TMX3: variants seen among roughly 807,000 people sequenced by gnomAD.
TMX3 encodes protein disulfide-isomerase TMX3.
Under a neutral mutation model 64.4 loss-of-function variants are expected in TMX3, and 40 were observed. The observed-to-expected ratio is 0.62, with a 90% confidence interval of 0.48 to 0.81. The LOEUF is 0.81. TMX3 is among the 30% of genes least tolerant of loss of function. TMX3 has a pLI of 0.00. For synonymous variants in TMX3, 189 were observed against 175.7 expected, an observed-to-expected ratio of 1.08 and a Z score of -0.60; for missense variants, 497 against 534.5, an observed-to-expected ratio of 0.93 and a Z score of 0.69.
At chr18:68,683,841 A>G (rs1429294466) in intron 12 of TMX3, among the ~76,000 whole-genome samples, 3 of 152,180 alleles carry the variant, frequency 2.0e-5, no homozygotes, top group Non-Finnish European at 4.4e-5. Flanking sequence ...AATTCCAAAA[A>G]TAAACATATA....
chr18:68,703,662 A>G (rs12966086), intron 4 of TMX3, among the ~76,000 whole-genome samples: 1 of 152,194 alleles, frequency 6.6e-6, no homozygotes, highest in Non-Finnish European at 1.5e-5. Flanking sequence ...AAAGGGAATG[A>G]CAGTATAACA....
chr18:68,703,523 A>G (rs753431282), intron 4 of TMX3, among the ~76,000 whole-genome samples: 7 of 152,166 alleles, frequency 4.6e-5, no homozygotes, highest in Non-Finnish European at 8.8e-5. Context: ...CAGTATTCAC[A>G]TCGAGACAAT....
At chr18:68,706,541 C>T (rs1043313944) in intron 4 of TMX3, 3 of 152,214 alleles carry the variant, frequency 2.0e-5, no homozygotes, top group Non-Finnish European at 2.9e-5. Context: ...CCTTCAGAAT[C>T]TGAACTGACA....
At chr18:68,698,980 C>T (rs1367129028) in intron 6 of TMX3, among the ~76,000 whole-genome samples, 1 of 151,320 alleles carries the variant, frequency 6.6e-6, no homozygotes, top group Non-Finnish European at 1.5e-5. Flanking sequence ...CGAGACAGCG[C>T]CACTGCAGTC....
At chr18:68,692,935 C>T (rs1235444195) in intron 8 of TMX3, among the ~76,000 whole-genome samples, 1 of 152,170 alleles carries the variant, frequency 6.6e-6, no homozygotes, top group Non-Finnish European at 1.5e-5. Context: ...GGTGCCAGCA[C>T]CTAGAACACA....
chr18:68,697,625 CA>C, intron 7 of TMX3: 2 of 374,324 alleles, frequency 5.3e-6, no homozygotes, highest in Non-Finnish European at 9.5e-6. Context: ...TACACACATA[CA>C]AAGTCTGCAG....
chr18:68,691,247 C>T lies in TMX3; in HGVS notation c.637+48G>A, dbSNP rs309227. The T allele has an allele frequency of 0.014, 18,111 of 1,326,834 alleles. 1,494 individuals carry two copies. In the African/African-American group the frequency reaches 0.2, roughly 15 times the overall value. The allele number at this position is 1,326,834 out of a possible 1,614,324, so 82.2% of individuals were successfully genotyped here. ...CTTTACACCTAAGTTGTATAACAGA[C>T]ATTTTAATTTTAAAATGTTTTACAT... On this transcript the variant is annotated intron_variant, in intron 9 of 15. Transcript: ENST00000299608.
chr18:68,693,470 C>T (rs1914733326), intron 8 of TMX3, among the ~76,000 whole-genome samples: 1 of 152,206 alleles, frequency 6.6e-6, no homozygotes, highest in African/African-American at 2.4e-5. Context: ...ATGCCTGCTC[C>T]TGCTCCCTGG....
chr18:68,689,942 T>C (rs1025083183), intron 9 of TMX3: 7 of 152,246 alleles, frequency 4.6e-5, no homozygotes, highest in African/African-American at 1.7e-4. Context: ...AGTATGTAGA[T>C]AGTACCTTTT....
chr18:68,701,631 T>C lies in TMX3; in HGVS notation c.311+114A>G, dbSNP rs779499040. 9.7e-6 allele frequency: 15 copies of C among 1,549,004 alleles called. No homozygotes were observed. The South Asian group carries it at 1.3e-4, about 13-fold the overall frequency. On this transcript the variant is annotated intron_variant, in intron 5 of 15. Coordinates refer to ENST00000299608, the MANE Select transcript of TMX3 (RefSeq NM_019022.5). ...AATTACATACTTCACCTATGAAGAA[T>C]GGCCAAACCCCAATCTTCAATCCTC...
chr18:68,703,257 T>TA (rs2030304441), intron 4 of TMX3, among the ~76,000 whole-genome samples: 1 of 152,240 alleles, frequency 6.6e-6, no homozygotes. Flanking sequence ...AAACTCATTT[T>TA]AAAAAACTGT....
In TMX3 at chr18:68,676,966, C is replaced by T. The variant is rs1912975491; in HGVS notation, c.1332G>A (p.Glu444=). The T allele has an allele frequency of 6.2e-7, 1 of 1,613,602 alleles. No individual in the cohort carries two copies. Reference sequence around the variant, plus strand: ...TCTTCTTTTCTAATACATCCTTGGGCTCCTGCACTGTAGGCACTACAGATC... The same window carrying T: ...TCTTCTTTTCTAATACATCCTTGGGTTCCTGCACTGTAGGCACTACAGATC... ...SGGSVVPTVQ[E]PKDVLEKKKD Residue 444 remains glutamate (E), a synonymous_variant, in exon 16 of 16, where the codon GAG becomes GAA. Transcript: ENST00000299608.
intron 2 of TMX3, among the ~76,000 whole-genome samples, chr18:68,712,109 T>C (rs2145149464): frequency 6.6e-6 from 1 of 152,270 alleles, no homozygotes; most frequent in Middle Eastern, 3.4e-3. Flanking sequence ...GCAGTGTTCT[T>C]AAGGTAACTG....
chr18:68,682,945 G>A lies in TMX3; in HGVS notation c.885C>T (p.Tyr295=), dbSNP rs762709764. 1.9e-5 allele frequency: 31 copies of A among 1,610,052 alleles called. No homozygotes were observed. The South Asian group carries it at 3.2e-4, about 17-fold the overall frequency. ...FQFGHMDGND[Y]INTLLMDELT... is the part of the protein sequence containing the mutation. Reference sequence around the variant, plus strand: ...CTTACTCCATCAGCAAGGTATTTATGTAGTCATTTCCATCCATGTGGCCAA... The same window carrying A: ...CTTACTCCATCAGCAAGGTATTTATATAGTCATTTCCATCCATGTGGCCAA... The change falls in exon 13 of 16, where the codon TAC becomes TAT. Residue 295 remains tyrosine, a synonymous_variant. Transcript: ENST00000299608.
At chr18:68,714,790 G>A (rs2031765081) in intron 1 of TMX3, 146 bp downstream of exon 1, 2 of 1,149,382 alleles carry the variant, frequency 1.7e-6, no homozygotes, top group East Asian at 2.9e-5. Context: ...GGGTGGCGCG[G>A]CGGGGGCGGC....
rs1253571917 is a variant in TMX3, at chr18:68,676,513, T to A, written c.*420A>T. On this transcript the variant is annotated 3_prime_UTR_variant, in exon 16 of 16. Transcript: ENST00000299608. The stretch of plus-strand genomic sequence containing the variant: ...AATTTTAAAGACTTAATTTTGTCCA[T>A]ATAAATCTTGTCCAAAATATATGAG... 6.2e-6 allele frequency: 1 copy of A among 162,090 alleles called. No individual in the cohort carries two copies. The highest frequency in any genetic ancestry group is 1.3e-5 in the Non-Finnish European group (1 of 74,354). 10.0% of individuals were successfully genotyped at this position (162,090 alleles called of 1,614,324 possible).
chr18:68,696,295 CCCT>C (rs1401910823), intron 8 of TMX3, among the ~76,000 whole-genome samples: 2 of 150,474 alleles, frequency 1.3e-5, no homozygotes, highest in African/African-American at 4.9e-5. Flanking sequence ...TGCCTCAGCC[CCCT>C]GAGTAGCTGG....
intron 4 of TMX3, among the ~76,000 whole-genome samples, chr18:68,705,716 T>C (rs1479808800): frequency 6.6e-6 from 1 of 152,220 alleles, no homozygotes; most frequent in Non-Finnish European, 1.5e-5. Flanking sequence ...CCTATCTGAA[T>C]TTACACTGGA....
Position 68,687,764 on chromosome 18 carries a change from C to A in TMX3, c.639G>T (p.Glu213Asp), listed in dbSNP as rs1175503230. Residue 213 changes from glutamate to aspartate, a missense_variant and splice_region_variant, in exon 10 of 16, where the codon GAG (glutamate) becomes GAT (aspartate). Physicochemically the swap from Glu to Asp is conservative, Grantham distance 45. This residue lies in a region of TMX3 where 360 missense variants were observed against 383.5 expected (regional missense o/e 0.94). Coordinates refer to ENST00000299608, the MANE Select transcript of TMX3 (RefSeq NM_019022.5). Reference protein sequence around the residue: ...FKDETYFVYDEYEDGDLSSWI... With the variant: ...FKDETYFVYDDYEDGDLSSWI... ...ATGATGACAGATCACCATCTTCATA[C>A]TCTTAAAACCAAGACAAAGTTGACA... is the stretch of plus-strand genomic sequence containing the variant. The A allele has an allele frequency of 5.6e-6, 9 of 1,601,492 alleles. No individual in the cohort carries two copies. In the South Asian group the frequency reaches 9.0e-5, roughly 16 times the overall value.
Sources: gnomAD v4.1 joint callset for allele counts (sites outside exome capture counted in the v4.1 genomes callset) on GRCh38, gnomAD v4.1.1 for gene constraint, gnomAD v4.1.1 regional missense constraint, MANE v1.5 for transcripts, NCBI Gene and HGNC (gene_info 2026-07-23, HGNC 2026-07-21) for gene names.